GALNT15: variants seen among roughly 807,000 people sequenced by gnomAD.
GALNT15 encodes polypeptide N-acetylgalactosaminyltransferase 15.
In GALNT15, 67 loss-of-function variants were observed where a neutral mutation model predicts 66.8. That is an observed-to-expected ratio of 1.00 (90% CI 0.82 to 1.23). The LOEUF is 1.23. Ranked by LOEUF, GALNT15 falls within the 50% of genes most tolerant of loss-of-function variation. GALNT15 has a pLI of 0.00. For missense variants in GALNT15, 827 were observed against 804.3 expected, an observed-to-expected ratio of 1.03 and a Z score of -0.34; for synonymous variants, 313 against 311.5, an observed-to-expected ratio of 1.00 and a Z score of -0.05.
rs1559687072 is a variant in GALNT15, at chr3:16,209,362, A to G, written c.1079+692A>G. Among the ~76,000 whole-genome samples the G allele has an allele frequency of 6.6e-6, 1 of 152,212 alleles. No individual in the cohort carries two copies. Among genetic ancestry groups the G allele is most frequent in the Non-Finnish European group, 1.5e-5 (1 of 68,032 alleles). On this transcript the variant is annotated intron_variant, in intron 4 of 9. Coordinates refer to ENST00000339732, the MANE Select transcript of GALNT15 (RefSeq NM_054110.5). This position sits in a 1 kb window ranked among gnomAD's most constrained non-coding sequence, Gnocchi z 4.1. ...AGGATTTTTAAAGTTTCCCAACACT[A>G]TAAAGCCAGTGAGAGGTGAATCCAG... is the stretch of plus-strand genomic sequence containing the variant.
Position 16,195,826 on chromosome 3 carries a change from G to C in GALNT15, c.606G>C (p.Glu202Asp). ...TASVILCFHD[E>D]AWSTLLRTVH... The stretch of plus-strand genomic sequence containing the variant: ...GCGTCATCCTCTGTTTCCATGATGA[G>C]GCCTGGTCCACTCTCCTGCGGACTG... Residue 202 changes from glutamate (E) to aspartate (D), a missense_variant, in exon 2 of 10, where the codon GAG becomes GAC. Physicochemically the swap from Glu to Asp is conservative, Grantham distance 45. Coordinates refer to ENST00000339732, the MANE Select transcript of GALNT15 (RefSeq NM_054110.5). This position sits in a 1 kb window ranked among gnomAD's most constrained non-coding sequence, Gnocchi z 4.6. 4 of 1,614,048 alleles carry C rather than the reference G, an allele frequency of 2.5e-6. No individual in the cohort carries two copies. Among genetic ancestry groups the C allele is most frequent in the Non-Finnish European group, 3.4e-6 (4 of 1,179,994 alleles).
At position 16,175,053 on chromosome 3, in the gene GALNT15, G is replaced by A. The variant is rs2063389530; in HGVS notation, c.-99G>A. On this transcript the variant is annotated 5_prime_UTR_variant, in exon 1 of 10. Coordinates refer to ENST00000339732, the MANE Select transcript of GALNT15 (RefSeq NM_054110.5). The surrounding 1 kb of genome is among the most constrained non-coding windows in gnomAD (Gnocchi z 5.6). ...GTGACTGGCAGAAAAACTTCCAGGT[G>A]GAACAAGCAACCCAGGTTCTGCTGC... 8.3e-7 allele frequency: 1 copy of A among 1,203,368 alleles called. No individual in the cohort carries two copies. Among genetic ancestry groups the A allele is most frequent in the Non-Finnish European group, 1.2e-6 (1 of 856,258 alleles). 74.5% of individuals were successfully genotyped at this position (1,203,368 alleles called of 1,614,324 possible).
In GALNT15 at chr3:16,175,696, T is replaced by G. The variant is rs2063401303; in HGVS notation, c.539+6T>G. ...CCCGAGGTGCGGCACCCACTGTAAG[T>G]AAGGCCCTTGTTTTCCCTTCCCTGA... On this transcript the variant is annotated splice_donor_region_variant and intron_variant, in intron 1 of 9. Coordinates refer to ENST00000339732, the MANE Select transcript of GALNT15 (RefSeq NM_054110.5). This position sits in a 1 kb window ranked among gnomAD's most constrained non-coding sequence, Gnocchi z 5.6. 6.4e-7 allele frequency: 1 copy of G among 1,559,036 alleles called. No homozygotes were observed. The highest frequency in any genetic ancestry group is 1.4e-5 in the African/African-American group (1 of 73,022).
rs543137678 is a variant in GALNT15 at position 16,219,112 on chromosome 3, T to C, written c.1393-291T>C. 6.6e-6 allele frequency among the ~76,000 whole-genome samples: 1 copy of C among 152,124 alleles called. No individual in the cohort carries two copies. Among genetic ancestry groups the C allele is most frequent in the Admixed American group, 6.5e-5 (1 of 15,270 alleles). On this transcript the variant is annotated intron_variant, in intron 6 of 9. Transcript: ENST00000339732. This position sits in a 1 kb window ranked among gnomAD's most constrained non-coding sequence, Gnocchi z 4.3. ...GGTGTGAGCCACCACTCCCGGCCTA[T>C]TGTAGTCTTTATAGACTGGAGATTT...
the GALNT15 span, among the ~76,000 whole-genome samples, chr3:16,248,099 A>G: frequency 6.6e-6 from 1 of 152,242 alleles, no homozygotes; most frequent in African/African-American, 2.4e-5. The surrounding 1 kb of genome is among the most constrained non-coding windows in gnomAD (Gnocchi z 4.9). Flanking sequence ...CAATGTTTAC[A>G]GAGAAGCTAT....
At chr3:16,177,351 G>A (rs2063420885) in intron 1 of GALNT15, among the ~76,000 whole-genome samples, 1 of 152,262 alleles carries the variant, frequency 6.6e-6, no homozygotes, top group Admixed American at 6.5e-5. Context: ...CTGTGTGTGT[G>A]ACTGTGTGTT....
At position 16,193,749 on chromosome 3, in the gene GALNT15, T is replaced by G. The variant is rs1368314750; in HGVS notation, c.540-2011T>G. Among the ~76,000 whole-genome samples the G allele has an allele frequency of 2.0e-5, 3 of 152,200 alleles. No individual in the cohort carries two copies. Among genetic ancestry groups the G allele is most frequent in the Non-Finnish European group, 4.4e-5 (3 of 68,030 alleles). On this transcript the variant is annotated intron_variant, in intron 1 of 9. Coordinates refer to ENST00000339732, the MANE Select transcript of GALNT15 (RefSeq NM_054110.5). The surrounding 1 kb of genome is among the most constrained non-coding windows in gnomAD (Gnocchi z 4.7). Reference sequence around the variant, plus strand: ...TCTGCCCGCAGTTCCACCTCACAGATTCCTTTAGGTGTCCGAAGTTTGGGG... The same window carrying G: ...TCTGCCCGCAGTTCCACCTCACAGAGTCCTTTAGGTGTCCGAAGTTTGGGG...
At chr3:16,196,749 C>A (rs895393635) in intron 2 of GALNT15, among the ~76,000 whole-genome samples, 3 of 152,206 alleles carry the variant, frequency 2.0e-5, no homozygotes, top group Admixed American at 2.0e-4. Context: ...ACTCTGAGAA[C>A]CTCTGCTCTA....
chr3:16,247,577 G>C, the GALNT15 span, among the ~76,000 whole-genome samples: 4 of 152,218 alleles, frequency 2.6e-5, no homozygotes, highest in African/African-American at 7.2e-5. Context: ...GTGAAACCTG[G>C]AGAAGCACAG....
At chr3:16,217,029 G>T (rs540863616) in intron 6 of GALNT15, among the ~76,000 whole-genome samples, 1 of 152,154 alleles carries the variant, frequency 6.6e-6, no homozygotes, top group Non-Finnish European at 1.5e-5. Context: ...AGGTTGGGGG[G>T]GTCGGGGAAA....
At chr3:16,244,434 G>A in the GALNT15 span, among the ~76,000 whole-genome samples, 47,998 of 152,184 alleles carry the variant, frequency 0.32, 8,299 homozygotes, top group East Asian at 0.48. Context: ...GCTTTAAACA[G>A]GATTCTGAAC....
chr3:16,232,924 T>TGTC (rs2064098174), downstream of GALNT15, among the ~76,000 whole-genome samples: 1 of 151,702 alleles, frequency 6.6e-6, no homozygotes, highest in African/African-American at 2.4e-5. Flanking sequence ...CAGAGACCAC[T>TGTC]GTCTGAGTAG....
rs2064032093 is a variant in GALNT15 at position 16,227,349 on chromosome 3, T to C, written c.1774-5T>C. 1 of 1,605,402 alleles carries C rather than the reference T, an allele frequency of 6.2e-7. No individual in the cohort carries two copies. Among genetic ancestry groups the C allele is most frequent in the Non-Finnish European group, 8.5e-7 (1 of 1,177,576 alleles). ...TTTCTTTTCTTTTTTCCTTTCTCTT[T>C]TTAGAATGGGATGATTGTCCACATT... On this transcript the variant is annotated splice_polypyrimidine_tract_variant and splice_region_variant and intron_variant, in intron 9 of 9. Transcript: ENST00000339732. This position sits in a 1 kb window ranked among gnomAD's most constrained non-coding sequence, Gnocchi z 4.5.
chr3:16,211,043 C>G lies in GALNT15; in HGVS notation c.1080-81C>G. 5.1e-6 allele frequency: 5 copies of G among 989,712 alleles called. No individual in the cohort carries two copies. The highest frequency in any genetic ancestry group is 3.1e-4 in the Middle Eastern group (1 of 3,278). The allele number at this position is 989,712 out of a possible 1,614,324, so 61.3% of individuals were successfully genotyped here. A position where few individuals can be genotyped will look rare whatever the true frequency, so the allele number is the denominator to read the frequency against. On this transcript the variant is annotated intron_variant, in intron 4 of 9. Transcript: ENST00000339732. This position sits in a 1 kb window ranked among gnomAD's most constrained non-coding sequence, Gnocchi z 4.3. ...GTTCTCTCAGCCACTGGAGCTCCCA[C>G]CTGGGAAGCCCCAGCCCCCAGCCTC...
At chr3:16,232,346 G>C (rs941387479), downstream of GALNT15, among the ~76,000 whole-genome samples, 2 of 151,120 alleles carry the variant, frequency 1.3e-5, no homozygotes, top group South Asian at 2.1e-4. Context: ...CAGGAGGATC[G>C]CTTGAGCCCA....
At chr3:16,216,236 G>C (rs577014087) in intron 6 of GALNT15, among the ~76,000 whole-genome samples, 1 of 152,252 alleles carries the variant, frequency 6.6e-6, no homozygotes, top group African/African-American at 2.4e-5. Context: ...GGCAGAGTGA[G>C]GGACCAAAGC....
Position 16,184,163 on chromosome 3 carries a change from G to A in GALNT15, c.539+8473G>A, listed in dbSNP as rs1200809283. On this transcript the variant is annotated intron_variant, in intron 1 of 9. Transcript: ENST00000339732. The surrounding 1 kb of genome is among the most constrained non-coding windows in gnomAD (Gnocchi z 5.0). ...GCTCCCACTCAAAGGATGAACAAAG[G>A]AGGTCAGGGGTGGGGTTTTGGACAC... Among the ~76,000 whole-genome samples, 1 of 152,222 alleles carries A rather than the reference G, an allele frequency of 6.6e-6. No homozygotes were observed. The highest frequency in any genetic ancestry group is 1.5e-5 in the Non-Finnish European group (1 of 68,038).
At position 16,188,281 on chromosome 3, in the gene GALNT15, C is replaced by T. The variant is rs946663662; in HGVS notation, c.540-7479C>T. Among the ~76,000 whole-genome samples, 4 of 152,226 alleles carry T rather than the reference C, an allele frequency of 2.6e-5. No individual in the cohort carries two copies. Among genetic ancestry groups the T allele is most frequent in the Non-Finnish European group, 5.9e-5 (4 of 68,044 alleles). On this transcript the variant is annotated intron_variant, in intron 1 of 9. Transcript: ENST00000339732. The surrounding 1 kb of genome is among the most constrained non-coding windows in gnomAD (Gnocchi z 4.6). Reference sequence around the variant, plus strand: ...TGGTGGAAGTGAGAAGTTACAGGAACTCAGTTGGCACAAAATGGCAGCCAT... The same window carrying T: ...TGGTGGAAGTGAGAAGTTACAGGAATTCAGTTGGCACAAAATGGCAGCCAT...
chr3:16,240,875 A>G, the GALNT15 span, among the ~76,000 whole-genome samples: 1 of 151,980 alleles, frequency 6.6e-6, no homozygotes, highest in South Asian at 2.1e-4. Context: ...CCCTGCCTCC[A>G]CCCTCTGGAC....
Sources: gnomAD v4.1 joint callset for allele counts (sites outside exome capture counted in the v4.1 genomes callset) on GRCh38, gnomAD v4.1.1 for gene constraint, Gnocchi (gnomAD v3.1) non-coding constraint, MANE v1.5 for transcripts, NCBI Gene and HGNC (gene_info 2026-07-23, HGNC 2026-07-21) for gene names.